The following EFHD1 variants were observed in gnomAD, a reference collection of about 807,000 sequenced individuals.
The protein encoded by EFHD1 is EF-hand domain family member D1, also known as EF-hand domain-containing protein D1.
In EFHD1, 10 loss-of-function variants were observed where a neutral mutation model predicts 17.2. That is an observed-to-expected ratio of 0.58 (90% CI 0.36 to 0.99). EFHD1 has a LOEUF of 0.99. Ranked by LOEUF, EFHD1 falls within the 50% of genes least tolerant of loss-of-function variation. The pLI is 0.01. For missense variants in EFHD1, 310 were observed against 327.5 expected, an observed-to-expected ratio of 0.95 and a Z score of 0.41; for synonymous variants, 153 against 142.0, an observed-to-expected ratio of 1.08 and a Z score of -0.55.
intron 1 of EFHD1, among the ~76,000 whole-genome samples, chr2:232,612,668 G>A (rs764269677): frequency 1.4e-4 from 21 of 152,110 alleles, no homozygotes; most frequent in Non-Finnish European, 3.1e-4. Context: ...CTCATGCGCT[G>A]CTATTGGAAA....
chr2:232,676,592 C>T (rs1695177273), intron 3 of EFHD1, among the ~76,000 whole-genome samples: 2 of 152,166 alleles, frequency 1.3e-5, no homozygotes, highest in African/African-American at 4.8e-5. Context: ...CCTTAGGCCC[C>T]TGGGCCATGT....
chr2:232,636,696 C>T lies in EFHD1; in HGVS notation c.302+2690C>T, dbSNP rs529534682. ...AAAATTAGCCAGGCATGGTGCCACA[C>T]GCCTGTAATCCAGCTACTCAGGAGG... On this transcript the variant is annotated intron_variant, in intron 1 of 3. Coordinates refer to ENST00000264059, the MANE Select transcript of EFHD1 (RefSeq NM_025202.4). Among the ~76,000 whole-genome samples, 139 of 152,142 alleles carry T rather than the reference C, an allele frequency of 9.1e-4. 1 individual carries two copies. The highest frequency in any genetic ancestry group is 1.7e-3 in the Non-Finnish European group (117 of 67,996).
At chr2:232,624,561 G>A (rs1235685778) in intron 1 of EFHD1, among the ~76,000 whole-genome samples, 1 of 152,250 alleles carries the variant, frequency 6.6e-6, no homozygotes, top group African/African-American at 2.4e-5. Flanking sequence ...TACACAGTCT[G>A]TGCTAATAAA....
intron 3 of EFHD1, among the ~76,000 whole-genome samples, chr2:232,676,774 T>C (rs575292937): frequency 6.6e-6 from 1 of 152,224 alleles, no homozygotes; most frequent in African/African-American, 2.4e-5. Flanking sequence ...ATTTAGGCCT[T>C]TGGAGAAGAA....
At position 232,672,392 on chromosome 2, in the gene EFHD1, C is replaced by G. The variant is rs546425742; in HGVS notation, c.534C>G (p.Ile178Met). 1.2e-6 allele frequency: 2 copies of G among 1,613,828 alleles called. No individual in the cohort carries two copies. The highest frequency in any genetic ancestry group is 2.7e-5 in the African/African-American group (2 of 75,018). ...GLMALAKLSE[I>M]DVALEGVKGA... Reference sequence around the variant, plus strand: ...TGGCGCTGGCAAAGCTTTCTGAGATCGATGTGGCCCTGGAGGGTGTCAAAG... The same window carrying G: ...TGGCGCTGGCAAAGCTTTCTGAGATGGATGTGGCCCTGGAGGGTGTCAAAG... Residue 178 changes from isoleucine to methionine, a missense_variant, in exon 3 of 4, where the codon ATC becomes ATG. Coordinates refer to ENST00000264059, the MANE Select transcript of EFHD1 (RefSeq NM_025202.4).
At chr2:232,662,668 A>T (rs912625725) in intron 1 of EFHD1, 134 bp from the exon 2 acceptor site, 87 of 1,186,908 alleles carry the variant, frequency 7.3e-5, no homozygotes, top group Non-Finnish European at 9.4e-5. Context: ...CCTCTGGAGC[A>T]GGTGACCCAC....
chr2:232,617,523 G>A (rs938713228), intron 1 of EFHD1, among the ~76,000 whole-genome samples: 8 of 151,828 alleles, frequency 5.3e-5, no homozygotes, highest in Admixed American at 3.9e-4. Context: ...GCGTGGTGGT[G>A]GGCGCCTGTA....
At chr2:232,616,104 C>A (rs574662820) in intron 1 of EFHD1, among the ~76,000 whole-genome samples, 1 of 152,196 alleles carries the variant, frequency 6.6e-6, no homozygotes, top group Admixed American at 6.5e-5. Context: ...ACTCACACAG[C>A]CAAAAGGTGG....
At chr2:232,653,586 G>A (rs570072660) in intron 1 of EFHD1, among the ~76,000 whole-genome samples, 52 of 152,236 alleles carry the variant, frequency 3.4e-4, no homozygotes, top group Non-Finnish European at 6.3e-4. Context: ...CACCGCTCCC[G>A]GCCTGTGGTA....
intron 1 of EFHD1, among the ~76,000 whole-genome samples, chr2:232,655,567 A>G (rs1456120238): frequency 1.3e-5 from 2 of 152,214 alleles, no homozygotes; most frequent in Non-Finnish European, 2.9e-5. Context: ...ACTCCGTGTA[A>G]CAGAGACTGT....
upstream of EFHD1, among the ~76,000 whole-genome samples, chr2:232,632,797 T>G (rs2106192377): frequency 6.6e-6 from 1 of 152,336 alleles, no homozygotes; most frequent in South Asian, 2.1e-4. Flanking sequence ...GGCTGATTTT[T>G]TAAAAGTTTT....
chr2:232,655,983 T>G (rs1270759317), intron 1 of EFHD1, among the ~76,000 whole-genome samples: 1 of 152,092 alleles, frequency 6.6e-6, no homozygotes, highest in Non-Finnish European at 1.5e-5. Flanking sequence ...TTTTTTTGTA[T>G]TTTTAGTAGA....
At chr2:232,609,195 G>T (rs1409179775) in intron 1 of EFHD1, among the ~76,000 whole-genome samples, 2 of 150,870 alleles carry the variant, frequency 1.3e-5, no homozygotes. Flanking sequence ...GAGTTATTGG[G>T]ATTACAGGCG....
At chr2:232,658,599 G>A (rs114091489) in intron 1 of EFHD1, among the ~76,000 whole-genome samples, 2,138 of 152,288 alleles carry the variant, frequency 0.014, 46 homozygotes, top group African/African-American at 0.041. Flanking sequence ...AGAGCCAAAA[G>A]GTGGAAACAA....
At position 232,627,030 on chromosome 2, in the gene EFHD1, CTCTCTCTA is replaced by C. The variant is rs1477272779; in HGVS notation, c.14+20859_14+20866del. On this transcript the variant is annotated intron_variant, in intron 1 of 3. Transcript: ENST00000409613. ...TGAGATCCTGTCTCTCTCTCTCTCTCTCTCTCTATATATATATATATATATATATATAT... is the reference window on the plus strand; with the variant it reads ...TGAGATCCTGTCTCTCTCTCTCTCTCTATATATATATATATATATATATAT... Among the ~76,000 whole-genome samples the C allele has an allele frequency of 3.6e-3, 221 of 60,874 alleles. 1 individual carries two copies. Among genetic ancestry groups the C allele is most frequent in the Non-Finnish European group, 6.0e-3 (192 of 32,236 alleles). The allele number at this position is 60,874 out of a possible 152,430, so 39.9% of individuals were successfully genotyped here.
At chr2:232,677,278 C>CACACACATCTTTCTATA (rs2106220339) in intron 3 of EFHD1, among the ~76,000 whole-genome samples, 1 of 25,164 alleles carries the variant, frequency 4.0e-5, no homozygotes, top group African/African-American at 9.0e-5. Context: ...CACACATACA[C>CACACACATCTTTCTATA]ACACACACAC....
At chr2:232,637,332 A>C (rs1574711365) in intron 1 of EFHD1, among the ~76,000 whole-genome samples, 3 of 146,286 alleles carry the variant, frequency 2.1e-5, no homozygotes, top group Admixed American at 7.0e-5. Flanking sequence ...CTGTGTCTTC[A>C]CATGGCCTTC....
rs1178834241 is a variant in EFHD1, at chr2:232,627,036, CTA to C, written c.14+20891_14+20892del. Among the ~76,000 whole-genome samples the C allele has an allele frequency of 7.4e-3, 829 of 112,496 alleles. 2 individuals carry two copies. Among genetic ancestry groups the C allele is most frequent in the East Asian group, 0.032 (112 of 3,462 alleles). The allele number at this position is 112,496 out of a possible 152,430, so 73.8% of individuals were successfully genotyped here. On this transcript the variant is annotated intron_variant, in intron 1 of 3. Transcript: ENST00000409613. ...CCTGTCTCTCTCTCTCTCTCTCTCTCTATATATATATATATATATATATATAT... is the reference window on the plus strand; with the variant it reads ...CCTGTCTCTCTCTCTCTCTCTCTCTCTATATATATATATATATATATATAT...
At chr2:232,606,400 CTT>C (rs1693713556) in intron 1 of EFHD1, among the ~76,000 whole-genome samples, 2 of 152,312 alleles carry the variant, frequency 1.3e-5, no homozygotes, top group African/African-American at 4.8e-5. Context: ...ACTCGAAACT[CTT>C]GAGAGACACC....
Sources: gnomAD v4.1 joint callset for allele counts (sites outside exome capture counted in the v4.1 genomes callset) on GRCh38, gnomAD v4.1.1 for gene constraint, MANE v1.5 for transcripts, NCBI Gene and HGNC (gene_info 2026-07-23, HGNC 2026-07-21) for gene names.